Variants in SAV1 observed in about 807,000 individuals in gnomAD.
SAV1 encodes the protein protein salvador homolog 1.
Under a neutral mutation model 47.3 loss-of-function variants are expected in SAV1, and 23 were observed. The ratio of observed to expected loss-of-function variants is 0.49; its 90% confidence interval spans 0.35 to 0.69. The LOEUF is 0.69. Among genes scored for constraint, SAV1 ranks in the 30% least tolerant of loss-of-function variants. The pLI, the probability that SAV1 is intolerant of heterozygous loss-of-function variation, is 0.01. For synonymous variants in SAV1, 155 were observed against 159.2 expected (o/e 0.97, Z 0.20); for missense variants, 448 against 457.4 (o/e 0.98, Z 0.19).
chr14:50,638,311 G>C (rs569368653), intron 4 of SAV1, among the ~76,000 whole-genome samples: 1 of 152,214 alleles, frequency 6.6e-6, no homozygotes, highest in South Asian at 2.1e-4. Flanking sequence ...TATATACACA[G>C]GTAAATCATT....
intron 2 of SAV1, among the ~76,000 whole-genome samples, chr14:50,655,232 T>C (rs991521461): frequency 6.6e-6 from 1 of 152,200 alleles, no homozygotes; most frequent in Non-Finnish European, 1.5e-5. Context: ...CATTCTAATA[T>C]GTTCATTATG....
rs371916092 is a variant in SAV1, at chr14:50,667,987, G to A, written c.-20C>T. On this transcript the variant is annotated 5_prime_UTR_variant, in exon 1 of 5. Transcript: ENST00000324679. ...CAGCATCCTTCTCGACGAGGCCCGA[G>A]GCCGCGCTGAACTGCCTCCCTAGGG... The A allele has an allele frequency of 6.0e-4, 954 of 1,602,418 alleles. 5 individuals carry two copies. Among genetic ancestry groups the A allele is most frequent in the Middle Eastern group, 4.3e-3 (19 of 4,440 alleles).
chr14:50,661,711 C>T (rs1357738129), intron 2 of SAV1, among the ~76,000 whole-genome samples: 2 of 152,162 alleles, frequency 1.3e-5, no homozygotes, highest in Non-Finnish European at 2.9e-5. Context: ...AATGCACGTT[C>T]TTGGTGCTTT....
intron 3 of SAV1, among the ~76,000 whole-genome samples, chr14:50,641,741 G>A (rs2140249676): frequency 6.6e-6 from 1 of 152,308 alleles, no homozygotes; most frequent in East Asian, 1.9e-4. Flanking sequence ...AAAGAAAAAT[G>A]AATGCTTATA....
Position 50,635,135 on chromosome 14 carries a change from G to T in SAV1, c.*48C>A. 1 of 1,432,020 alleles carries T rather than the reference G, an allele frequency of 7.0e-7. No individual in the cohort carries two copies. The highest frequency in any genetic ancestry group is 9.8e-7 in the Non-Finnish European group (1 of 1,022,524). 88.7% of individuals were successfully genotyped at this position (1,432,020 alleles called of 1,614,324 possible). On this transcript the variant is annotated 3_prime_UTR_variant, in exon 5 of 5. Coordinates refer to ENST00000324679, the MANE Select transcript of SAV1 (RefSeq NM_021818.4). ...TACTTGTTTGCAATTTTTTATCTGTGAAAATATTTTAAAGCTCTTACAAAA... is the reference window on the plus strand; with the variant it reads ...TACTTGTTTGCAATTTTTTATCTGTTAAAATATTTTAAAGCTCTTACAAAA...
chr14:50,658,416 G>A (rs1002286989), intron 2 of SAV1, among the ~76,000 whole-genome samples: 2 of 152,154 alleles, frequency 1.3e-5, no homozygotes, highest in African/African-American at 2.4e-5. Context: ...CATACAGTAA[G>A]TGCGTGACTG....
chr14:50,646,611 G>A (rs1201554913), intron 2 of SAV1, among the ~76,000 whole-genome samples: 7 of 149,616 alleles, frequency 4.7e-5, no homozygotes, highest in Admixed American at 3.4e-4. Flanking sequence ...GCTTGAACCC[G>A]AGAGCAGAGG....
chr14:50,652,660 C>T (rs944316027), intron 2 of SAV1, among the ~76,000 whole-genome samples: 1 of 152,220 alleles, frequency 6.6e-6, no homozygotes, highest in Non-Finnish European at 1.5e-5. Context: ...TCAACCAGCT[C>T]ATCTTGGAGA....
At position 50,665,411 on chromosome 14, in the gene SAV1, T is replaced by C. The variant is rs2039893013; in HGVS notation, c.303A>G (p.Arg101=). 6.2e-7 allele frequency: 1 copy of C among 1,612,756 alleles called. No homozygotes were observed. Among genetic ancestry groups the C allele is most frequent in the Non-Finnish European group, 8.5e-7 (1 of 1,179,208 alleles). Residue 101 remains arginine (R), a synonymous_variant, in exon 2 of 5, where the codon AGA becomes AGG. Coordinates refer to ENST00000324679, the MANE Select transcript of SAV1 (RefSeq NM_021818.4). The part of the protein sequence containing the change: ...NRLSAPSYLA[R]SLADVPREYG... ...ACTCTCTAGGGACATCTGCTAGACT[T>C]CTGGCAAGATAAGAAGGTGCAGATA...
At chr14:50,649,001 C>T (rs543888582) in intron 2 of SAV1, among the ~76,000 whole-genome samples, 1 of 152,090 alleles carries the variant, frequency 6.6e-6, no homozygotes, top group Non-Finnish European at 1.5e-5. Flanking sequence ...ATGATCAGAC[C>T]TCCATTTCTT....
In SAV1 at chr14:50,651,153, G is replaced by A. The variant is rs568455813; in HGVS notation, c.536-6139C>T. On this transcript the variant is annotated intron_variant, in intron 2 of 4. Transcript: ENST00000324679. ...TGAGTCAGAATGACCTGGCTAAGCC[G>A]CTTCCAAAATCCTGAACCACAGAAA... Among the ~76,000 whole-genome samples, 4 of 152,264 alleles carry A rather than the reference G, an allele frequency of 2.6e-5. No individual in the cohort carries two copies. The East Asian group carries it at 7.7e-4, about 29-fold the overall frequency.
intron 2 of SAV1, among the ~76,000 whole-genome samples, chr14:50,660,972 C>G (rs2039855000): frequency 1.3e-5 from 2 of 152,114 alleles, no homozygotes; most frequent in African/African-American, 4.8e-5. Context: ...AGATAGATAC[C>G]CAGCAGTGGA....
chr14:50,635,084 A>G lies in SAV1; in HGVS notation c.*99T>C. ...AAGTTAGAATTTTATAATTTCCACA[A>G]AGGAAGCAGCATTTATTAACCAGAG... On this transcript the variant is annotated 3_prime_UTR_variant, in exon 5 of 5. Transcript: ENST00000324679. The G allele has an allele frequency of 2.5e-6, 2 of 796,740 alleles. No homozygotes were observed. Among genetic ancestry groups the G allele is most frequent in the Non-Finnish European group, 4.0e-6 (2 of 498,370 alleles). The allele number at this position is 796,740 out of a possible 1,614,324, so 49.4% of individuals were successfully genotyped here.
At chr14:50,653,628 T>C (rs2039788594) in intron 2 of SAV1, among the ~76,000 whole-genome samples, 1 of 152,150 alleles carries the variant, frequency 6.6e-6, no homozygotes, top group African/African-American at 2.4e-5. Context: ...CCCAGCACTT[T>C]GGGAGGCCGA....
At position 50,666,294 on chromosome 14, in the gene SAV1, A is replaced by G. The variant is rs551752612; in HGVS notation, c.95-675T>C. On this transcript the variant is annotated intron_variant, in intron 1 of 4. Coordinates refer to ENST00000324679, the MANE Select transcript of SAV1 (RefSeq NM_021818.4). ...CAAAAAACCAAGCCTGAAACTATGT[A>G]ATTATAATTCAAAATAGTAGATAAT... Among the ~76,000 whole-genome samples, 8 of 152,334 alleles carry G rather than the reference A, an allele frequency of 5.3e-5. No homozygotes were observed. The East Asian group carries it at 1.5e-3, about 29-fold the overall frequency.
intron 2 of SAV1, among the ~76,000 whole-genome samples, chr14:50,655,760 G>A (rs2039807084): frequency 6.6e-6 from 1 of 151,998 alleles, no homozygotes; most frequent in African/African-American, 2.4e-5. Flanking sequence ...TTAAAAACAA[G>A]ACAAGGGCCA....
chr14:50,649,384 C>A (rs939315047), intron 2 of SAV1, among the ~76,000 whole-genome samples: 2 of 152,188 alleles, frequency 1.3e-5, no homozygotes, highest in African/African-American at 4.8e-5. Context: ...GTCTCTAGAA[C>A]AGTGTCTACA....
intron 2 of SAV1, among the ~76,000 whole-genome samples, chr14:50,648,885 T>C (rs2039744718): frequency 6.6e-6 from 1 of 152,244 alleles, no homozygotes; most frequent in Non-Finnish European, 1.5e-5. Context: ...TGATACTGGC[T>C]GAGCTCAGTA....
chr14:50,648,326 T>C (rs1352628004), intron 2 of SAV1, among the ~76,000 whole-genome samples: 4 of 152,244 alleles, frequency 2.6e-5, no homozygotes. Context: ...CCTAAGGGAA[T>C]TTTAGAGGGT....
Sources: allele counts gnomAD v4.1 joint callset (sites outside exome capture counted in the v4.1 genomes callset), GRCh38; gene constraint gnomAD v4.1.1; transcripts MANE v1.5; gene names NCBI Gene and HGNC (gene_info 2026-07-23, HGNC 2026-07-21).